The following METTL15 variants were observed in gnomAD, a reference collection of about 807,000 sequenced individuals.
The protein encoded by METTL15 is methyltransferase 15, mitochondrial 12S rRNA N4-cytidine.
METTL15 carries 34 observed loss-of-function variants against 38.3 expected under a neutral mutation model. That is an observed-to-expected ratio of 0.89 (90% CI 0.68 to 1.18). The LOEUF (loss-of-function observed/expected upper bound fraction) is 1.18. Ranked by LOEUF, METTL15 falls within the 50% of genes most tolerant of loss-of-function variation. METTL15 has a pLI of 0.00. For missense variants in METTL15, 438 were observed against 498.4 expected (o/e 0.88, Z 1.15); for synonymous variants, 162 against 170.9 (o/e 0.95, Z 0.41).
intron 6 of METTL15, among the ~76,000 whole-genome samples, chr11:28,315,412 G>A (rs1327370523): frequency 2.0e-5 from 3 of 152,184 alleles, no homozygotes; most frequent in African/African-American, 7.2e-5. Flanking sequence ...TAGCGTACCT[G>A]GGGGAAGAAA....
At chr11:28,383,100 G>C (rs1850405930) in intron 5 of METTL15, among the ~76,000 whole-genome samples, 1 of 151,944 alleles carries the variant, frequency 6.6e-6, no homozygotes, top group Non-Finnish European at 1.5e-5. Flanking sequence ...AGGTAGATTT[G>C]ATCCTCTCCC....
chr11:28,286,051 T>C (rs2133980860), intron 4 of METTL15, among the ~76,000 whole-genome samples: 1 of 152,214 alleles, frequency 6.6e-6, no homozygotes, highest in African/African-American at 2.4e-5. Flanking sequence ...TAAATATATA[T>C]ATATGATATC....
At chr11:28,165,052 T>G (rs1850608229) in intron 3 of METTL15, among the ~76,000 whole-genome samples, 1 of 152,194 alleles carries the variant, frequency 6.6e-6, no homozygotes, top group Non-Finnish European at 1.5e-5. Context: ...ATTTTTCCAT[T>G]ATGTGTATGT....
chr11:28,150,014 G>A (rs1850025262), intron 3 of METTL15, among the ~76,000 whole-genome samples: 1 of 151,794 alleles, frequency 6.6e-6, no homozygotes, highest in Non-Finnish European at 1.5e-5. Context: ...TCGCTTCTTT[G>A]AATTTCAAAT....
At chr11:28,278,759 T>G (rs1855936679) in intron 4 of METTL15, among the ~76,000 whole-genome samples, 1 of 152,118 alleles carries the variant, frequency 6.6e-6, no homozygotes, top group Non-Finnish European at 1.5e-5. Context: ...GTAGTTGAAT[T>G]TGGTTTGTAC....
intron 4 of METTL15, among the ~76,000 whole-genome samples, chr11:28,242,385 C>T (rs1378380429): frequency 6.6e-6 from 1 of 152,070 alleles, no homozygotes; most frequent in Non-Finnish European, 1.5e-5. Flanking sequence ...ATTTAAAAAG[C>T]CCAAATGCAT....
chr11:28,171,272 A>T (rs1850847620), intron 3 of METTL15, among the ~76,000 whole-genome samples: 1 of 152,168 alleles, frequency 6.6e-6, no homozygotes, highest in Non-Finnish European at 1.5e-5. Context: ...TAAACTTGAG[A>T]TCAAGTGACC....
In METTL15 at chr11:28,151,041, G is replaced by A. The variant is rs1034672647; in HGVS notation, c.270+37437G>A. 2.0e-4 allele frequency among the ~76,000 whole-genome samples: 30 copies of A among 150,840 alleles called. 1 individual carries two copies. The highest frequency in any genetic ancestry group is 7.0e-4 in the African/African-American group (29 of 41,170). On this transcript the variant is annotated intron_variant, in intron 3 of 6. Coordinates refer to ENST00000407364, the MANE Select transcript of METTL15 (RefSeq NM_001113528.2). The stretch of plus-strand genomic sequence containing the variant: ...AAAAAAAAAAGAAAAGGAAAAAAAG[G>A]TAATAAGGAAAGTTTTCCGTGCTTT...
chr11:28,208,584 C>G (rs572864373), intron 3 of METTL15, among the ~76,000 whole-genome samples: 19 of 152,160 alleles, frequency 1.2e-4, no homozygotes, highest in Middle Eastern at 3.4e-3. Context: ...AATGTATATT[C>G]TATTGATTTG....
intron 3 of METTL15, among the ~76,000 whole-genome samples, chr11:28,179,684 G>T (rs1162101062): frequency 6.6e-6 from 1 of 151,690 alleles, no homozygotes; most frequent in Non-Finnish European, 1.5e-5. Context: ...TGGGCTTGTG[G>T]ATATTTTCTA....
chr11:28,343,520 G>C (rs1393665891), intron 3 of METTL15, among the ~76,000 whole-genome samples: 3 of 152,162 alleles, frequency 2.0e-5, no homozygotes, highest in African/African-American at 7.2e-5. Flanking sequence ...AGCACTGTTT[G>C]GGCCTGGGAA....
At chr11:28,314,297 C>T (rs554090686) in intron 6 of METTL15, among the ~76,000 whole-genome samples, 34 of 152,104 alleles carry the variant, frequency 2.2e-4, no homozygotes, top group Non-Finnish European at 4.6e-4. Context: ...TGTTCTATTG[C>T]AGGTAAGTAT....
intron 3 of METTL15, among the ~76,000 whole-genome samples, chr11:28,172,933 T>G (rs1435494917): frequency 6.6e-6 from 1 of 152,164 alleles, no homozygotes; most frequent in Non-Finnish European, 1.5e-5. Context: ...ACATTTCACT[T>G]TGGTATTTCA....
rs1029566360 is a variant in METTL15 at position 28,271,942 on chromosome 11, G to A, written c.408-18264G>A. Among the ~76,000 whole-genome samples, 8 of 152,152 alleles carry A rather than the reference G, an allele frequency of 5.3e-5. No homozygotes were observed. In the East Asian group the frequency reaches 5.8e-4, roughly 11 times the overall value. ...ACACTTCTCAAAAGAAGACATTTAC[G>A]TGGTCAACAAACATGAAAAAAAGGT... On this transcript the variant is annotated intron_variant, in intron 4 of 6. Transcript: ENST00000407364.
intron 3 of METTL15, chr11:28,122,316 T>A (rs931065503): frequency 3.9e-5 from 16 of 408,368 alleles, no homozygotes; most frequent in Non-Finnish European, 5.8e-5. Context: ...CAAATCCTAG[T>A]ATATAGATGT....
At chr11:28,168,956 T>TG (rs925867531) in intron 3 of METTL15, among the ~76,000 whole-genome samples, 2 of 152,092 alleles carry the variant, frequency 1.3e-5, no homozygotes, top group African/African-American at 4.8e-5. Flanking sequence ...GAATGACCTT[T>TG]GGGCCACAGT....
intron 2 of METTL15, among the ~76,000 whole-genome samples, chr11:28,112,548 A>G (rs1230797296): frequency 6.6e-6 from 1 of 152,160 alleles, no homozygotes; most frequent in Non-Finnish European, 1.5e-5. Flanking sequence ...TCTGCATTTT[A>G]AAGAGTTATG....
chr11:28,510,936 G>A (rs1263634852), intron 6 of METTL15, among the ~76,000 whole-genome samples: 1 of 152,178 alleles, frequency 6.6e-6, no homozygotes, highest in Non-Finnish European at 1.5e-5. Context: ...ACAGGCTGGG[G>A]TTGGTGCATG....
intron 6 of METTL15, among the ~76,000 whole-genome samples, chr11:28,432,741 A>G (rs556362311): frequency 6.6e-6 from 1 of 152,330 alleles, no homozygotes; most frequent in African/African-American, 2.4e-5. Context: ...TGAGTAGTAC[A>G]CGTAGGGACA....
Sources: allele counts gnomAD v4.1 joint callset (sites outside exome capture counted in the v4.1 genomes callset), GRCh38; gene constraint gnomAD v4.1.1; transcripts MANE v1.5; gene names NCBI Gene and HGNC (gene_info 2026-07-23, HGNC 2026-07-21).